Variants in KIF20B observed in about 807,000 individuals in gnomAD.
KIF20B encodes kinesin-like protein KIF20B.
Under a neutral mutation model 232.5 loss-of-function variants are expected in KIF20B, and 188 were observed. The ratio of observed to expected loss-of-function variants is 0.81; its 90% CI spans 0.72 to 0.91. The LOEUF (loss-of-function observed/expected upper bound fraction) is 0.91. Among genes scored for constraint, KIF20B ranks in the 40% least tolerant of loss-of-function variants. The pLI is 0.00. For missense variants in KIF20B, 2,154 were observed against 2,055.9 expected (o/e 1.05, Z -0.92); for synonymous variants, 712 against 683.0 (o/e 1.04, Z -0.66).
chr10:89,712,930 T>C (rs1372298713), intron 6 of KIF20B, among the ~76,000 whole-genome samples: 1 of 152,194 alleles, frequency 6.6e-6, no homozygotes, highest in African/African-American at 2.4e-5. Flanking sequence ...CAGTAAAAAG[T>C]GTGTTACCAG....
At chr10:89,720,982 T>C (rs11185857) in intron 13 of KIF20B, among the ~76,000 whole-genome samples, 47,249 of 151,822 alleles carry the variant, frequency 0.31, 8,286 homozygotes, top group African/African-American at 0.47. Context: ...GCTGGGATTA[T>C]AGGCATGAGC....
Position 89,762,702 on chromosome 10 carries a change from C to T in KIF20B, c.4856C>T (p.Pro1619Leu). 1 of 1,613,540 alleles carries T rather than the reference C, an allele frequency of 6.2e-7. No individual in the cohort carries two copies. The change falls in exon 29 of 33, where the codon CCA becomes CTA. Residue 1619 changes from proline to leucine, a missense_variant. By Grantham distance (98) the Pro-to-Leu change is moderately conservative. Coordinates refer to ENST00000371728, the MANE Select transcript of KIF20B (RefSeq NM_001284259.2). ...GAAAATGATCAAAGCACTCGATTTC[C>T]AAAACCTGAGTTAGAGATTCAATTT... ...STENDQSTRF[P>L]KPELEIQFTP... is the part of the protein sequence containing the mutation.
intron 15 of KIF20B, 88 bp from the exon 16 acceptor site, chr10:89,726,202 CTTT>C: frequency 7.6e-7 from 1 of 1,318,910 alleles, no homozygotes; most frequent in Non-Finnish European, 9.7e-7. Flanking sequence ...GAATTTTTTG[CTTT>C]TTTAAAAACT....
intron 23 of KIF20B, among the ~76,000 whole-genome samples, chr10:89,750,633 T>C (rs1420812411): frequency 6.6e-6 from 1 of 152,164 alleles, no homozygotes; most frequent in Non-Finnish European, 1.5e-5. Flanking sequence ...TGAGCCCTGC[T>C]ACTAGGTGCC....
chr10:89,713,992 T>C, intron 6 of KIF20B, 55 bp from the exon 7 acceptor site: 1 of 839,754 alleles, frequency 1.2e-6, no homozygotes, highest in South Asian at 2.0e-5. Context: ...ATATCTTGAT[T>C]ATTTAACCTT....
Position 89,752,564 on chromosome 10 carries a change from C to T in KIF20B, c.4223-3C>T. The T allele has an allele frequency of 1.3e-6, 2 of 1,589,822 alleles. No individual in the cohort carries two copies. The highest frequency in any genetic ancestry group is 1.7e-6 in the Non-Finnish European group (2 of 1,168,332). ...AAAACATAATTTTATGTCTTCAAAT[C>T]AGAATTGGAAAAATGGAAGGAAAAA... is the stretch of plus-strand genomic sequence containing the variant. On this transcript the variant is annotated splice_region_variant and splice_polypyrimidine_tract_variant and intron_variant, in intron 24 of 32. Transcript: ENST00000371728.
intron 22 of KIF20B, among the ~76,000 whole-genome samples, chr10:89,744,364 T>TA (rs1260153328): frequency 6.6e-6 from 1 of 152,196 alleles, no homozygotes; most frequent in Non-Finnish European, 1.5e-5. Flanking sequence ...TTATACTTAC[T>TA]GCTTCACCAG....
Position 89,774,363 on chromosome 10 carries a change from CTTATA to C in KIF20B, c.*318_*322del. On this transcript the variant is annotated 3_prime_UTR_variant, in exon 33 of 33. Transcript: ENST00000371728. ...TGTAATAGGTCAGGTATTTGGTTTA[CTTATA>C]TTTAACAATGTCTTATGAATTTTTT... is the stretch of plus-strand genomic sequence containing the variant. 5.7e-6 allele frequency: 1 copy of C among 175,260 alleles called. No individual in the cohort carries two copies. 10.9% of individuals were successfully genotyped at this position (175,260 alleles called of 1,614,324 possible).
intron 2 of KIF20B, among the ~76,000 whole-genome samples, chr10:89,708,561 C>G (rs1842774660): frequency 7.4e-6 from 1 of 134,556 alleles, no homozygotes; most frequent in Admixed American, 7.1e-5. Context: ...CTACTAGGGC[C>G]TGAATTTTTT....
Position 89,745,964 on chromosome 10 carries a change from G to A in KIF20B, c.4096+5G>A, listed in dbSNP as rs200273392. ...AGTATGAGAGAGCATGCAAAGGTCA[G>A]GAACAAGTTTGTACTTCTGGAACCA... is the stretch of plus-strand genomic sequence containing the variant. On this transcript the variant is annotated splice_donor_5th_base_variant and intron_variant, in intron 23 of 32. Transcript: ENST00000371728. The A allele has an allele frequency of 1.3e-4, 203 of 1,608,200 alleles. 1 individual carries two copies. Among genetic ancestry groups the A allele is most frequent in the Middle Eastern group, 5.0e-4 (3 of 6,046 alleles).
rs755409283 is a variant in KIF20B, at chr10:89,725,069, C to T, written c.1912C>T (p.Arg638Cys). 36 of 1,613,458 alleles carry T rather than the reference C, an allele frequency of 2.2e-5. No homozygotes were observed. The highest frequency in any genetic ancestry group is 2.9e-5 in the Non-Finnish European group (34 of 1,179,672). The change falls in exon 15 of 33, where the codon CGT becomes TGT. Residue 638 changes from arginine (R) to cysteine (C), a missense_variant. Coordinates refer to ENST00000371728, the MANE Select transcript of KIF20B (RefSeq NM_001284259.2). ...GATATTAGAAGAAAATGCTGAACGT[C>T]GTTTGGCTATCTTCAAGGATTTGGT... ...REILEENAER[R>C]LAIFKDLVGK...
chr10:89,713,285 C>T (rs1213527221), intron 6 of KIF20B, among the ~76,000 whole-genome samples: 2 of 149,246 alleles, frequency 1.3e-5, no homozygotes, highest in African/African-American at 2.5e-5. Context: ...TGCTTGAACC[C>T]GGGAGGTGGA....
intron 5 of KIF20B, 36 bp downstream of exon 5, chr10:89,710,101 G>A: frequency 6.4e-7 from 1 of 1,560,670 alleles, no homozygotes; most frequent in Non-Finnish European, 8.7e-7. Flanking sequence ...AAAGGATAAG[G>A]AAGCAATAAT....
chr10:89,760,947 CAT>C (rs1283084583), intron 28 of KIF20B, among the ~76,000 whole-genome samples: 10 of 152,120 alleles, frequency 6.6e-5, no homozygotes, highest in African/African-American at 2.2e-4. Context: ...CTTTAATAAA[CAT>C]TGTGTTAAAT....
chr10:89,710,867 C>T, intron 5 of KIF20B, 94 bp from the exon 6 acceptor site: 1 of 878,012 alleles, frequency 1.1e-6, no homozygotes, highest in African/African-American at 1.7e-5. Flanking sequence ...TTGACTCTTG[C>T]CTATTGGTAG....
intron 8 of KIF20B, among the ~76,000 whole-genome samples, chr10:89,715,684 T>C (rs1013326869): frequency 2.0e-5 from 3 of 152,228 alleles, no homozygotes; most frequent in Non-Finnish European, 2.9e-5. Context: ...ATTTTCTATA[T>C]TCTTTGTCAT....
At chr10:89,735,960 G>T (rs1036871531) in intron 19 of KIF20B, among the ~76,000 whole-genome samples, 6 of 152,136 alleles carry the variant, frequency 3.9e-5, no homozygotes, top group African/African-American at 1.2e-4. Context: ...TAAACAAGAA[G>T]AATTTGATTC....
chr10:89,733,394 GT>G (rs1316296785), intron 19 of KIF20B, among the ~76,000 whole-genome samples: 1 of 151,722 alleles, frequency 6.6e-6, no homozygotes, highest in Non-Finnish European at 1.5e-5. Context: ...TGTTTTCTTT[GT>G]TTGCATTCTT....
chr10:89,737,630 G>C lies in KIF20B; in HGVS notation c.2789G>C (p.Ser930Thr), dbSNP rs753530758. 3.7e-6 allele frequency: 6 copies of C among 1,609,182 alleles called. No homozygotes were observed. The highest frequency in any genetic ancestry group is 3.3e-5 in the Admixed American group (2 of 59,702). ...TCTGAAAAAAAGAATTTAACTTTAA[G>C]TAAAGAGGTCCAACAAATTCAGTCA... Reference protein sequence around the residue: ...SLSEKKNLTLSKEVQQIQSNY... With the variant: ...SLSEKKNLTLTKEVQQIQSNY... The change falls in exon 20 of 33, where the codon AGT (serine) becomes ACT (threonine). Residue 930 changes from serine (S) to threonine (T), a missense_variant. Coordinates refer to ENST00000371728, the MANE Select transcript of KIF20B (RefSeq NM_001284259.2).
Sources: gnomAD v4.1 joint callset for allele counts (sites outside exome capture counted in the v4.1 genomes callset) on GRCh38, gnomAD v4.1.1 for gene constraint, MANE v1.5 for transcripts, NCBI Gene and HGNC (gene_info 2026-07-23, HGNC 2026-07-21) for gene names.